ARMH3: variants seen among roughly 807,000 people sequenced by gnomAD.
ARMH3 encodes armadillo like helical domain containing 3.
In ARMH3, 60 loss-of-function variants were observed where a neutral mutation model predicts 99.1. That is an observed-to-expected ratio of 0.61 (90% CI 0.49 to 0.75). ARMH3 has a LOEUF of 0.75. Ranked by LOEUF, ARMH3 falls within the 30% of genes least tolerant of loss-of-function variation. The probability of loss-of-function intolerance (pLI) is 0.00; values close to 1 mark genes in which losing one functional copy is unlikely to be tolerated. For synonymous variants in ARMH3, 285 were observed against 292.8 expected (o/e 0.97, Z 0.27); for missense variants, 679 against 843.1 (o/e 0.81, Z 2.41).
chr10:102,033,316 A>G lies in ARMH3; in HGVS notation c.126T>C (p.Ser42=). Residue 42 remains serine (S), a synonymous_variant, in exon 3 of 26, where the codon AGT becomes AGC. Transcript: ENST00000370033. ...GAAAGAGCTCCTCCCAAAACCGAGG[A>G]CTGCACTTACTGGGGTCCTCTGTCT... ...IFMTEDPSKC[S]PRFWEELFLM... The G allele has an allele frequency of 6.2e-7, 1 of 1,614,156 alleles. No individual in the cohort carries two copies. Among genetic ancestry groups the G allele is most frequent in the Non-Finnish European group, 8.5e-7 (1 of 1,180,022 alleles).
At chr10:101,850,090 C>CT (rs754571008) in intron 24 of ARMH3, among the ~76,000 whole-genome samples, 198 bp from the exon 25 acceptor site, 1,903 of 91,312 alleles carry the variant, frequency 0.021, 37 homozygotes, top group Non-Finnish European at 0.021. Flanking sequence ...CTCTCTCTCT[C>CT]TTTTTTTTTT....
At chr10:101,931,566 G>A (rs980877356) in intron 23 of ARMH3, among the ~76,000 whole-genome samples, 18 of 151,188 alleles carry the variant, frequency 1.2e-4, no homozygotes, top group South Asian at 2.1e-4. Flanking sequence ...GGATATCCAC[G>A]TGCCCAAAAA....
chr10:101,902,248 G>A (rs1197536971), intron 23 of ARMH3, among the ~76,000 whole-genome samples: 1 of 152,132 alleles, frequency 6.6e-6, no homozygotes, highest in Non-Finnish European at 1.5e-5. Context: ...TTATTCAACA[G>A]AAACTCTCAC....
At chr10:101,877,010 C>G (rs997979048) in intron 24 of ARMH3, among the ~76,000 whole-genome samples, 2 of 151,970 alleles carry the variant, frequency 1.3e-5, no homozygotes, top group African/African-American at 4.8e-5. Flanking sequence ...GAGTACAAGA[C>G]CAACCTAGGC....
intron 23 of ARMH3, among the ~76,000 whole-genome samples, chr10:101,926,278 C>T (rs1263450196): frequency 6.6e-6 from 1 of 152,190 alleles, no homozygotes; most frequent in Non-Finnish European, 1.5e-5. Flanking sequence ...GCCTCGAACT[C>T]CTGGGCCCAA....
chr10:101,934,367 T>C (rs1843858790), intron 23 of ARMH3, among the ~76,000 whole-genome samples: 1 of 152,040 alleles, frequency 6.6e-6, no homozygotes. Flanking sequence ...GACCATGAAG[T>C]GAACAGGAAG....
chr10:101,921,845 A>G (rs965353945), intron 23 of ARMH3, among the ~76,000 whole-genome samples: 5 of 152,238 alleles, frequency 3.3e-5, no homozygotes, highest in African/African-American at 1.2e-4. Context: ...GGGTGCAGAT[A>G]GAGTGGATAA....
intron 22 of ARMH3, among the ~76,000 whole-genome samples, chr10:101,955,681 G>A (rs1844997994): frequency 6.6e-6 from 1 of 152,174 alleles, no homozygotes; most frequent in Non-Finnish European, 1.5e-5. Context: ...CACAAAGGAT[G>A]AAGCAAACCA....
intron 8 of ARMH3, among the ~76,000 whole-genome samples, chr10:102,015,018 C>T (rs1374559055): frequency 6.6e-6 from 1 of 152,180 alleles, no homozygotes; most frequent in Non-Finnish European, 1.5e-5. Context: ...TTTAACCAAG[C>T]TTCTGAGGGC....
At chr10:102,051,512 G>A (rs1225669004) in intron 1 of ARMH3, among the ~76,000 whole-genome samples, 5 of 151,820 alleles carry the variant, frequency 3.3e-5, no homozygotes, top group Non-Finnish European at 5.9e-5. Context: ...AAAGAAGTCA[G>A]TCAACTCAGG....
At chr10:101,940,005 G>C in intron 22 of ARMH3, 67 bp from the exon 23 acceptor site, 504 of 1,262,920 alleles carry the variant, frequency 4.0e-4, no homozygotes, top group Non-Finnish European at 5.2e-4. Context: ...GAGGAATGAA[G>C]ACACATCTCA....
intron 22 of ARMH3, among the ~76,000 whole-genome samples, chr10:101,951,381 G>A (rs185922878): frequency 8.5e-4 from 129 of 152,142 alleles, no homozygotes; most frequent in Non-Finnish European, 1.8e-3. Context: ...ACCTGCCTGG[G>A]CAACATAGGG....
At chr10:102,031,080 G>C (rs921273046) in intron 4 of ARMH3, among the ~76,000 whole-genome samples, 1 of 152,142 alleles carries the variant, frequency 6.6e-6, no homozygotes, top group African/African-American at 2.4e-5. Context: ...CACCACGCCT[G>C]GCCAACAGTT....
chr10:101,947,129 G>C (rs1372913618), intron 22 of ARMH3, among the ~76,000 whole-genome samples: 7 of 151,984 alleles, frequency 4.6e-5, no homozygotes. Flanking sequence ...AGAGCTTGCA[G>C]TGAGCTGAAA....
intron 23 of ARMH3, among the ~76,000 whole-genome samples, chr10:101,932,072 C>T (rs1843743842): frequency 6.6e-6 from 1 of 152,070 alleles, no homozygotes; most frequent in Admixed American, 6.6e-5. Context: ...CACCAAAAAA[C>T]TCCATTAAAA....
At chr10:101,936,812 A>T (rs550952028) in intron 23 of ARMH3, among the ~76,000 whole-genome samples, 1 of 152,352 alleles carries the variant, frequency 6.6e-6, no homozygotes, top group East Asian at 1.9e-4. Flanking sequence ...AGACAGAGGA[A>T]GATTATTCAC....
chr10:101,860,616 T>C (rs1234614974), intron 24 of ARMH3, among the ~76,000 whole-genome samples: 7 of 152,200 alleles, frequency 4.6e-5, no homozygotes, highest in Non-Finnish European at 1.0e-4. Context: ...ATATTAATAA[T>C]ATGGATTGCA....
chr10:102,033,043 C>T lies in ARMH3; in HGVS notation c.289G>A (p.Val97Ile). Reference protein sequence around the residue: ...QALGEEHPIRVVNALQTLCAL... With the variant: ...QALGEEHPIRIVNALQTLCAL... ...CCTTGTACCTGCAATGCATTGACAA[C>T]CCGAATTGGATGCTCCTCTCCCAGA... Residue 97 changes from valine (V) to isoleucine (I), a missense_variant, in exon 4 of 26, where the codon GTT (valine) becomes ATT (isoleucine). This residue lies in a region of ARMH3 where 280 missense variants were observed against 354.6 expected (regional missense o/e 0.79). Transcript: ENST00000370033. The T allele has an allele frequency of 6.2e-7, 1 of 1,614,106 alleles. No individual in the cohort carries two copies. Among genetic ancestry groups the T allele is most frequent in the Non-Finnish European group, 8.5e-7 (1 of 1,180,006 alleles).
At chr10:101,935,198 T>TATATATATATATATATATATATATAC (rs1491294491) in intron 23 of ARMH3, among the ~76,000 whole-genome samples, 1 of 141,154 alleles carries the variant, frequency 7.1e-6, no homozygotes, top group Non-Finnish European at 1.5e-5. Flanking sequence ...TATATATATA[T>TATATATATATATATATATATATATAC]ACATTTTTTG....
Sources: gnomAD v4.1 joint callset for allele counts (sites outside exome capture counted in the v4.1 genomes callset) on GRCh38, gnomAD v4.1.1 for gene constraint, gnomAD v4.1.1 regional missense constraint, MANE v1.5 for transcripts, NCBI Gene and HGNC (gene_info 2026-07-23, HGNC 2026-07-21) for gene names.